CACNA2D3: variants seen among roughly 807,000 people sequenced by gnomAD.
CACNA2D3 encodes calcium voltage-gated channel auxiliary subunit alpha2delta 3.
A neutral mutation model predicts 160.6 loss-of-function variants in CACNA2D3; 60 were observed. The ratio of observed to expected loss-of-function variants is 0.37; its 90% confidence interval spans 0.30 to 0.46. The LOEUF is 0.46. Ranked by LOEUF, CACNA2D3 falls within the 20% of genes least tolerant of loss-of-function variation. CACNA2D3 has a pLI of 1.00. For synonymous variants in CACNA2D3, 558 were observed against 492.9 expected, an observed-to-expected ratio of 1.13 and a Z score of -1.75; for missense variants, 1,205 against 1,365.0, an observed-to-expected ratio of 0.88 and a Z score of 1.85.
intron 13 of CACNA2D3, chr3:54,789,887 A>T (rs761334168): frequency 5.8e-5 from 30 of 516,824 alleles, no homozygotes; most frequent in Non-Finnish European, 9.3e-5. Flanking sequence ...AAGGTGACAC[A>T]GGCTGTTTCA....
intron 11 of CACNA2D3, among the ~76,000 whole-genome samples, chr3:54,737,913 G>C (rs1486280219): frequency 1.3e-5 from 2 of 152,156 alleles, no homozygotes; most frequent in East Asian, 3.9e-4. Flanking sequence ...TGATCCACCT[G>C]TCTCGGCCTC....
chr3:54,555,653 A>G (rs968777283), intron 5 of CACNA2D3, among the ~76,000 whole-genome samples: 2 of 152,200 alleles, frequency 1.3e-5, no homozygotes, highest in African/African-American at 2.4e-5. Flanking sequence ...TGTTTTACTA[A>G]AAGCTGAACA....
chr3:54,278,543 A>C (rs1418948894), intron 2 of CACNA2D3, among the ~76,000 whole-genome samples: 1 of 152,210 alleles, frequency 6.6e-6, no homozygotes, highest in East Asian at 1.9e-4. Context: ...ACGTATGTTT[A>C]TTGCAGCACT....
chr3:54,825,094 T>C (rs544001089), intron 14 of CACNA2D3, among the ~76,000 whole-genome samples: 1 of 152,192 alleles, frequency 6.6e-6, no homozygotes, highest in South Asian at 2.1e-4. Context: ...AAAATATGAC[T>C]CTTTTAAGGT....
chr3:54,284,907 G>A (rs1027574051), intron 2 of CACNA2D3, among the ~76,000 whole-genome samples: 4 of 152,176 alleles, frequency 2.6e-5, no homozygotes, highest in African/African-American at 9.7e-5. Context: ...TAGTGCTTTC[G>A]ATATGTGGAA....
At chr3:54,605,244 A>T (rs1405675165) in intron 9 of CACNA2D3, among the ~76,000 whole-genome samples, 1 of 152,174 alleles carries the variant, frequency 6.6e-6, no homozygotes, top group Non-Finnish European at 1.5e-5. Flanking sequence ...ATCTGCAGCA[A>T]CCCTTCTAGG....
intron 4 of CACNA2D3, among the ~76,000 whole-genome samples, chr3:54,488,590 C>A (rs1701055660): frequency 6.6e-6 from 1 of 152,188 alleles, no homozygotes; most frequent in Non-Finnish European, 1.5e-5. Context: ...TGCCCTTAGC[C>A]CCTCTGAGCT....
At chr3:54,696,127 C>T (rs1198744241) in intron 11 of CACNA2D3, among the ~76,000 whole-genome samples, 1 of 152,138 alleles carries the variant, frequency 6.6e-6, no homozygotes, top group African/African-American at 2.4e-5. Flanking sequence ...GTAACTCCAC[C>T]ATTATATTCA....
chr3:54,812,931 G>C lies in CACNA2D3; in HGVS notation c.1381-3922G>C, dbSNP rs185880277. ...AGAGCTAAAACTGATCAAGCATTTA[G>C]CCAGGTCCCTGGTTTAAGGAAAAAG... On this transcript the variant is annotated intron_variant, in intron 13 of 37. Coordinates refer to ENST00000474759, the MANE Select transcript of CACNA2D3 (RefSeq NM_018398.3). 5.2e-3 allele frequency among the ~76,000 whole-genome samples: 794 copies of C among 152,298 alleles called. 8 individuals are homozygous for C. The highest frequency in any genetic ancestry group is 0.018 in the African/African-American group (741 of 41,558).
At chr3:54,363,295 A>C (rs1698775940) in intron 3 of CACNA2D3, among the ~76,000 whole-genome samples, 1 of 152,116 alleles carries the variant, frequency 6.6e-6, no homozygotes, top group Non-Finnish European at 1.5e-5. Context: ...GATCGGACAA[A>C]ACAAAACAAA....
intron 9 of CACNA2D3, among the ~76,000 whole-genome samples, chr3:54,594,531 C>T (rs904517047): frequency 1.3e-5 from 2 of 152,150 alleles, no homozygotes. Flanking sequence ...TATTCCTTTA[C>T]TCTTCTCATT....
At chr3:54,778,777 C>T (rs953229752) in intron 13 of CACNA2D3, among the ~76,000 whole-genome samples, 1 of 152,122 alleles carries the variant, frequency 6.6e-6, no homozygotes, top group East Asian at 1.9e-4. Flanking sequence ...AAAATATCTG[C>T]GTTTTCTAGC....
At chr3:54,599,127 G>T (rs1455521273) in intron 9 of CACNA2D3, among the ~76,000 whole-genome samples, 4 of 152,128 alleles carry the variant, frequency 2.6e-5, no homozygotes, top group Non-Finnish European at 5.9e-5. Flanking sequence ...TAACTGACTG[G>T]AACATTGTGA....
intron 2 of CACNA2D3, among the ~76,000 whole-genome samples, chr3:54,281,434 G>A (rs556195759): frequency 7.4e-4 from 113 of 152,118 alleles, no homozygotes; most frequent in Non-Finnish European, 1.2e-3. Context: ...GAACCCTCCC[G>A]GTGGCAGAGT....
chr3:55,069,966 T>C (rs1704763195), intron 35 of CACNA2D3, among the ~76,000 whole-genome samples: 1 of 151,972 alleles, frequency 6.6e-6, no homozygotes, highest in Admixed American at 6.6e-5. Flanking sequence ...AGTAAGCTTT[T>C]AAACCAGAGT....
intron 2 of CACNA2D3, among the ~76,000 whole-genome samples, chr3:54,219,351 CA>C (rs1701523654): frequency 6.6e-6 from 1 of 152,192 alleles, no homozygotes; most frequent in South Asian, 2.1e-4. Flanking sequence ...GAGAGCTGGA[CA>C]CCATTGACTT....
In CACNA2D3 at chr3:54,320,539, A is replaced by G. The variant is rs1383973125; in HGVS notation, c.302A>G (p.Lys101Arg). The G allele has an allele frequency of 1.9e-6, 3 of 1,561,088 alleles. No individual in the cohort carries two copies. The highest frequency in any genetic ancestry group is 1.9e-5 in the Admixed American group (1 of 52,092). Residue 101 changes from lysine to arginine, a missense_variant, in exon 3 of 38, where the codon AAG becomes AGG. Physicochemically the swap from Lys to Arg is conservative, Grantham distance 26. This residue lies in a region of CACNA2D3 where 163 missense variants were observed against 161.3 expected (regional missense o/e 1.01). Coordinates refer to ENST00000474759, the MANE Select transcript of CACNA2D3 (RefSeq NM_018398.3). ...AAGAACATGGAAGAGATGTTTCACA[A>G]GAAGTCTGAGGCCGTCAGGGTAAGT... ...LAKNMEEMFH[K>R]KSEAVRRLVE... is the part of the protein sequence containing the mutation.
At chr3:54,669,076 G>A (rs115827220) in intron 11 of CACNA2D3, among the ~76,000 whole-genome samples, 2,527 of 152,140 alleles carry the variant, frequency 0.017, 60 homozygotes, top group African/African-American at 0.055. Flanking sequence ...TTATTGTTTG[G>A]CTCCTTCCTG....
At chr3:54,558,314 AG>A (rs1176060057) in intron 5 of CACNA2D3, among the ~76,000 whole-genome samples, 8 of 152,214 alleles carry the variant, frequency 5.3e-5, no homozygotes, top group Non-Finnish European at 1.0e-4. Context: ...CTCTAGGCCA[AG>A]GGAACAGCCC....
Sources: allele counts gnomAD v4.1 joint callset (sites outside exome capture counted in the v4.1 genomes callset), GRCh38; gene constraint gnomAD v4.1.1; regional missense constraint gnomAD v4.1.1; transcripts MANE v1.5; gene names NCBI Gene and HGNC (gene_info 2026-07-23, HGNC 2026-07-21).